The following DOCK8 variants were observed in gnomAD, a reference collection of about 807,000 sequenced individuals.
DOCK8 encodes the protein dedicator of cytokinesis protein 8.
Under a neutral mutation model 245.6 loss-of-function variants are expected in DOCK8, and 141 were observed. The observed-to-expected ratio is 0.57, with a 90% CI of 0.50 to 0.66. The LOEUF (loss-of-function observed/expected upper bound fraction) is 0.66. DOCK8 is among the 30% of genes least tolerant of loss of function. The pLI is 0.00. For missense variants in DOCK8, 2,965 were observed against 2,603.4 expected (o/e 1.14, Z -3.02); for synonymous variants, 1,168 against 970.2 (o/e 1.20, Z -3.79).
intron 18 of DOCK8, among the ~76,000 whole-genome samples, chr9:374,176 A>G (rs1485777572): frequency 1.3e-5 from 2 of 152,310 alleles, no homozygotes; most frequent in African/African-American, 4.8e-5. Context: ...TACTTGCGCT[A>G]TGCTGTGTTT....
chr9:449,948 C>T, intron 45 of DOCK8, 21 bp downstream of exon 45: 3 of 1,612,326 alleles, frequency 1.9e-6, no homozygotes, highest in Middle Eastern at 1.8e-4. Context: ...CCAGAGGTGG[C>T]AGCTCCTCTG....
intron 35 of DOCK8, among the ~76,000 whole-genome samples, chr9:429,462 C>T (rs2056628507): frequency 6.6e-6 from 1 of 152,214 alleles, no homozygotes; most frequent in South Asian, 2.1e-4. Flanking sequence ...CGACCTGGCT[C>T]ACAGTGCAGT....
chr9:248,389 C>T (rs1362949242), intron 1 of DOCK8, among the ~76,000 whole-genome samples: 1 of 152,184 alleles, frequency 6.6e-6, no homozygotes, highest in Non-Finnish European at 1.5e-5. Flanking sequence ...AAAGGAACAC[C>T]ATTTGCCTAT....
intron 46 of DOCK8, among the ~76,000 whole-genome samples, chr9:457,556 A>G (rs746783144): frequency 1.3e-5 from 2 of 152,240 alleles, no homozygotes; most frequent in African/African-American, 2.4e-5. Context: ...AGTTTGAATC[A>G]TAAGACACAG....
intron 2 of DOCK8, among the ~76,000 whole-genome samples, chr9:274,927 G>T (rs1563861372): frequency 6.6e-6 from 1 of 152,116 alleles, no homozygotes; most frequent in Non-Finnish European, 1.5e-5. Flanking sequence ...ACAAATGATT[G>T]TTTAATTTTA....
At chr9:385,800 C>A (rs2053926820) in intron 22 of DOCK8, among the ~76,000 whole-genome samples, 1 of 152,118 alleles carries the variant, frequency 6.6e-6, no homozygotes, top group African/African-American at 2.4e-5. Context: ...TACTGACAGC[C>A]TTGATCTTTC....
intron 27 of DOCK8, among the ~76,000 whole-genome samples, chr9:405,599 T>G (rs759111132): frequency 3.3e-5 from 5 of 152,194 alleles, no homozygotes; most frequent in Non-Finnish European, 5.9e-5. Flanking sequence ...CTCATACATT[T>G]TTTGAAATGT....
rs373312047 is a variant in DOCK8 at position 370,220 on chromosome 9, T to C, written c.1798-10T>C. On this transcript the variant is annotated splice_polypyrimidine_tract_variant and intron_variant, in intron 15 of 47. Transcript: ENST00000432829. The stretch of plus-strand genomic sequence containing the variant: ...ACTGATAATTTGATCCTTTCTCTAC[T>C]GGTGAACAGGTCATCTTTGGAAAAT... 1.1e-4 allele frequency: 170 copies of C among 1,612,110 alleles called. No individual in the cohort carries two copies. In the African/African-American group the frequency reaches 1.9e-3, roughly 18 times the overall value.
At chr9:298,631 GT>G (rs2049377456) in intron 4 of DOCK8, among the ~76,000 whole-genome samples, 1 of 151,338 alleles carries the variant, frequency 6.6e-6, no homozygotes, top group East Asian at 1.9e-4. Context: ...GTGTGTGTGT[GT>G]GTGTGTGTGT....
chr9:240,266 C>G lies in DOCK8; in HGVS notation c.53+25237C>G, dbSNP rs1331970222. Among the ~76,000 whole-genome samples the G allele has an allele frequency of 5.9e-5, 9 of 151,900 alleles. No homozygotes were observed. In the East Asian group the frequency reaches 1.3e-3, roughly 23 times the overall value. ...AATCTTTTATACAGGTTATCAGAAA[C>G]AAATCAACCTCATAAGATGGAACTA... On this transcript the variant is annotated intron_variant, in intron 1 of 47. Coordinates refer to ENST00000432829, the MANE Select transcript of DOCK8 (RefSeq NM_203447.4).
In DOCK8 at chr9:399,219, G is replaced by A. The variant is rs369239221; in HGVS notation, c.3194G>A (p.Arg1065Gln). The change falls in exon 26 of 48, where the codon CGG (arginine) becomes CAG (glutamine). Residue 1065 changes from arginine (R) to glutamine (Q), a missense_variant. Physicochemically the swap from Arg to Gln is conservative, Grantham distance 43. Transcript: ENST00000432829. The stretch of plus-strand genomic sequence containing the variant: ...TATGACCTTCTCTCCCTCATGGATC[G>A]GGGCTTTGTGTTTAACCTCATCAGA... ...FLYDLLSLMD[R>Q]GFVFNLIRHY... 2.4e-5 allele frequency: 39 copies of A among 1,613,804 alleles called. 1 individual carries two copies. The highest frequency in any genetic ancestry group is 1.4e-4 in the South Asian group (13 of 91,076).
upstream of DOCK8, among the ~76,000 whole-genome samples, chr9:212,344 G>A (rs537118434): frequency 3.9e-5 from 6 of 152,264 alleles, no homozygotes; most frequent in South Asian, 1.2e-3. Context: ...AGAAGTCAAG[G>A]GAAGAGTTGT....
chr9:211,418 A>C (rs1458190888), upstream of DOCK8, among the ~76,000 whole-genome samples: 1 of 152,198 alleles, frequency 6.6e-6, no homozygotes, highest in Non-Finnish European at 1.5e-5. Flanking sequence ...CTAAATGAGC[A>C]GAGAAGAAAT....
At chr9:229,172 G>T (rs1441350860) in intron 1 of DOCK8, among the ~76,000 whole-genome samples, 1 of 152,146 alleles carries the variant, frequency 6.6e-6, no homozygotes, top group Non-Finnish European at 1.5e-5. Context: ...CTGCAAAATA[G>T]TTGGTCATTT....
chr9:251,240 C>G (rs908516139), intron 1 of DOCK8, among the ~76,000 whole-genome samples: 1 of 152,046 alleles, frequency 6.6e-6, no homozygotes, highest in African/African-American at 2.4e-5. Flanking sequence ...ATATTTGTTC[C>G]TTGGTGAAAC....
intron 24 of DOCK8, 113 bp from the exon 25 acceptor site, chr9:396,672 G>A: frequency 7.0e-7 from 1 of 1,431,410 alleles, no homozygotes; most frequent in South Asian, 1.2e-5. Flanking sequence ...CACAGATAAA[G>A]TGTCAGAAAA....
chr9:409,544 A>G (rs1240959416), intron 28 of DOCK8, among the ~76,000 whole-genome samples: 2 of 152,148 alleles, frequency 1.3e-5, no homozygotes, highest in Non-Finnish European at 2.9e-5. Context: ...GAAAGAAAAA[A>G]ATGTATATAT....
intron 4 of DOCK8, among the ~76,000 whole-genome samples, chr9:300,988 T>A (rs1483904569): frequency 6.6e-6 from 1 of 152,176 alleles, no homozygotes; most frequent in Non-Finnish European, 1.5e-5. Context: ...CTCTAACTCA[T>A]TCTGCAAAGC....
chr9:262,525 A>G (rs2047941930), intron 1 of DOCK8, among the ~76,000 whole-genome samples: 1 of 136,388 alleles, frequency 7.3e-6, no homozygotes, highest in Admixed American at 7.6e-5. Context: ...TACACAGTGC[A>G]ATATAGATGG....
Sources: gnomAD v4.1 joint callset for allele counts (sites outside exome capture counted in the v4.1 genomes callset) on GRCh38, gnomAD v4.1.1 for gene constraint, MANE v1.5 for transcripts, NCBI Gene and HGNC (gene_info 2026-07-23, HGNC 2026-07-21) for gene names.